DENND1B: variants seen among roughly 807,000 people sequenced by gnomAD.
The protein encoded by DENND1B is DENN domain containing 1B.
A neutral mutation model predicts 90.1 loss-of-function variants in DENND1B; 59 were observed. The observed-to-expected ratio is 0.65, with a 90% CI of 0.53 to 0.81. The LOEUF is 0.81. Among genes scored for constraint, DENND1B ranks in the 40% least tolerant of loss-of-function variants. The probability of loss-of-function intolerance (pLI) is 0.00; values close to 1 mark genes in which losing one functional copy is unlikely to be tolerated. For missense variants in DENND1B, 862 were observed against 912.6 expected (o/e 0.94, Z 0.71); for synonymous variants, 337 against 324.6 (o/e 1.04, Z -0.41).
intron 20 of DENND1B, among the ~76,000 whole-genome samples, chr1:197,538,040 A>G (rs1670044985): frequency 6.6e-6 from 1 of 152,106 alleles, no homozygotes; most frequent in South Asian, 2.1e-4. Context: ...AATGAAAAAT[A>G]AATTAATTAA....
intron 5 of DENND1B, among the ~76,000 whole-genome samples, chr1:197,669,366 G>A (rs1470911916): frequency 1.3e-5 from 2 of 152,044 alleles, no homozygotes; most frequent in Non-Finnish European, 2.9e-5. Context: ...CGGACTAAAA[G>A]CACCATAACT....
chr1:197,694,038 A>T (rs1018310020), intron 3 of DENND1B, among the ~76,000 whole-genome samples: 7 of 151,486 alleles, frequency 4.6e-5, no homozygotes, highest in Non-Finnish European at 1.0e-4. Flanking sequence ...AGTGTATTTC[A>T]GGCTTAAATT....
At chr1:197,749,062 A>G (rs1475706461) in intron 2 of DENND1B, among the ~76,000 whole-genome samples, 1 of 152,188 alleles carries the variant, frequency 6.6e-6, no homozygotes, top group East Asian at 1.9e-4. Flanking sequence ...AGATTAGAGA[A>G]CCTAAGTACA....
intron 15 of DENND1B, among the ~76,000 whole-genome samples, chr1:197,572,997 A>G (rs2125739632): frequency 6.6e-6 from 1 of 152,206 alleles, no homozygotes; most frequent in East Asian, 1.9e-4. Context: ...CCCCTTTATC[A>G]TTTTTTATTG....
In DENND1B at chr1:197,670,380, A is replaced by C. The variant is rs1655363586; in HGVS notation, c.296+1657T>G. Among the ~76,000 whole-genome samples the C allele has an allele frequency of 2.7e-5, 4 of 150,006 alleles. No homozygotes were observed. In the South Asian group the frequency reaches 8.5e-4, roughly 32 times the overall value. On this transcript the variant is annotated intron_variant, in intron 5 of 22. Transcript: ENST00000620048. Reference sequence around the variant, plus strand: ...GCTATAAAATACAGACTCAAATCTTACCTGAAAATGATGTTTACTCTCAAA... The same window carrying C: ...GCTATAAAATACAGACTCAAATCTTCCCTGAAAATGATGTTTACTCTCAAA...
At chr1:197,649,291 A>G (rs1652845174) in intron 7 of DENND1B, among the ~76,000 whole-genome samples, 1 of 152,196 alleles carries the variant, frequency 6.6e-6, no homozygotes, top group African/African-American at 2.4e-5. Flanking sequence ...GAGCTACGAA[A>G]GGTTTTCAGC....
intron 20 of DENND1B, among the ~76,000 whole-genome samples, chr1:197,538,885 G>A (rs1346842662): frequency 6.6e-6 from 1 of 151,970 alleles, no homozygotes; most frequent in African/African-American, 2.4e-5. Context: ...TTATAAAAGG[G>A]TGAGTTTGGC....
At position 197,625,272 on chromosome 1, in the gene DENND1B, G is replaced by A. The variant is rs571334121; in HGVS notation, c.673-7513C>T. ...TTAAGGGCAGCCAGAGAGAAAGGTC[G>A]GGTTACCCTCAAAGGGAAGCCCATC... On this transcript the variant is annotated intron_variant, in intron 10 of 22. Coordinates refer to ENST00000620048, the MANE Select transcript of DENND1B (RefSeq NM_001195215.2). 6.9e-4 allele frequency among the ~76,000 whole-genome samples: 105 copies of A among 152,026 alleles called. 2 individuals carry two copies. Among genetic ancestry groups the A allele is most frequent in the Admixed American group, 3.0e-3 (45 of 15,234 alleles).
chr1:197,760,405 T>C (rs1654888932), intron 2 of DENND1B, among the ~76,000 whole-genome samples: 1 of 152,110 alleles, frequency 6.6e-6, no homozygotes, highest in Non-Finnish European at 1.5e-5. Context: ...ATCCCAGCAC[T>C]TTTGGAAGCT....
intron 20 of DENND1B, among the ~76,000 whole-genome samples, chr1:197,526,268 T>A (rs1471868912): frequency 6.6e-6 from 1 of 152,124 alleles, no homozygotes; most frequent in East Asian, 1.9e-4. Flanking sequence ...CATTGATCTC[T>A]GACAAACTTT....
Position 197,529,252 on chromosome 1 carries a change from GTGTGTGTGTGTGTGTGTATA to G in DENND1B, c.1515+10692_1515+10711del, listed in dbSNP as rs1669417654. Among the ~76,000 whole-genome samples, 4 of 12,798 alleles carry G rather than the reference GTGTGTGTGTGTGTGTGTATA, an allele frequency of 3.1e-4. No individual in the cohort carries two copies. The Middle Eastern group carries it at 0.1, about 320-fold the overall frequency. The allele number at this position is 12,798 out of a possible 152,430, so 8.4% of individuals were successfully genotyped here. On this transcript the variant is annotated intron_variant, in intron 20 of 22. Coordinates refer to ENST00000620048, the MANE Select transcript of DENND1B (RefSeq NM_001195215.2). The stretch of plus-strand genomic sequence containing the variant: ...TATATATATATATATATGTGTGTGT[GTGTGTGTGTGTGTGTGTATA>G]TGTATATATGTATATATATGTATAT...
At chr1:197,728,498 T>A (rs1204212690) in intron 2 of DENND1B, among the ~76,000 whole-genome samples, 1 of 152,144 alleles carries the variant, frequency 6.6e-6, no homozygotes, top group East Asian at 1.9e-4. Context: ...ATCATATCCC[T>A]CTCACTCTAC....
intron 3 of DENND1B, among the ~76,000 whole-genome samples, chr1:197,675,483 G>A (rs1655964511): frequency 6.7e-6 from 1 of 150,294 alleles, no homozygotes. Context: ...ACCCTGGATT[G>A]CTTATAATCA....
chr1:197,609,336 T>A (rs1371904715), intron 12 of DENND1B, among the ~76,000 whole-genome samples: 1 of 150,580 alleles, frequency 6.6e-6, no homozygotes, highest in Non-Finnish European at 1.5e-5. Flanking sequence ...AGAAATGACA[T>A]AGTGGCAGCA....
chr1:197,729,260 G>A (rs1661934719), intron 2 of DENND1B, among the ~76,000 whole-genome samples: 1 of 151,970 alleles, frequency 6.6e-6, no homozygotes, highest in Admixed American at 6.6e-5. Flanking sequence ...ACTTCATAAA[G>A]GCAGCTTTTT....
chr1:197,764,516 A>G (rs1655465489), intron 2 of DENND1B, among the ~76,000 whole-genome samples: 1 of 152,198 alleles, frequency 6.6e-6, no homozygotes, highest in Non-Finnish European at 1.5e-5. Flanking sequence ...TACTCTGACT[A>G]AATATACTTA....
rs535760502 is a variant in DENND1B at position 197,541,502 on chromosome 1, T to G, written c.1351-487A>C. On this transcript the variant is annotated intron_variant, in intron 18 of 22. Coordinates refer to ENST00000620048, the MANE Select transcript of DENND1B (RefSeq NM_001195215.2). ...GGAATGGTATTTCATATATAGTTTT[T>G]CTGGTAAAACTTAAAAGTCATTTAA... 2.4e-3 allele frequency among the ~76,000 whole-genome samples: 371 copies of G among 152,330 alleles called. 1 individual carries two copies. The highest frequency in any genetic ancestry group is 3.9e-3 in the Non-Finnish European group (266 of 68,016).
chr1:197,526,439 G>GA (rs916103681), intron 20 of DENND1B, among the ~76,000 whole-genome samples: 27 of 151,316 alleles, frequency 1.8e-4, no homozygotes, highest in Middle Eastern at 3.4e-3. Context: ...AGGCAACAGG[G>GA]AAAAAAAACA....
chr1:197,779,364 A>G (rs1347712983), upstream of DENND1B, among the ~76,000 whole-genome samples: 3 of 152,136 alleles, frequency 2.0e-5, no homozygotes, highest in African/African-American at 4.8e-5. Context: ...TTAGTTTTCT[A>G]TAGTTTCACT....
Sources: allele counts gnomAD v4.1 joint callset (sites outside exome capture counted in the v4.1 genomes callset), GRCh38; gene constraint gnomAD v4.1.1; transcripts MANE v1.5; gene names NCBI Gene and HGNC (gene_info 2026-07-23, HGNC 2026-07-21).